The following SLC24A2 variants were observed in gnomAD, a reference collection of about 807,000 sequenced individuals.
SLC24A2 encodes the protein sodium/potassium/calcium exchanger 2.
A neutral mutation model predicts 62.0 loss-of-function variants in SLC24A2; 36 were observed. The observed-to-expected ratio is 0.58, with a 90% CI of 0.44 to 0.77. The LOEUF (loss-of-function observed/expected upper bound fraction) is 0.77, where lower values mean the gene tolerates loss of function less well. SLC24A2 is among the 30% of genes least tolerant of loss of function. The pLI, the probability that SLC24A2 is intolerant of heterozygous loss-of-function variation, is 0.00. For synonymous variants in SLC24A2, 358 were observed against 294.0 expected (o/e 1.22, Z -2.23); for missense variants, 846 against 817.9 (o/e 1.03, Z -0.42).
chr9:19,743,186 C>T (rs1821730398), intron 2 of SLC24A2, among the ~76,000 whole-genome samples: 1 of 152,094 alleles, frequency 6.6e-6, no homozygotes, highest in Non-Finnish European at 1.5e-5. Context: ...ATCACATCAG[C>T]ATTAGAAGAC....
At chr9:20,209,949 T>C in the SLC24A2 span, among the ~76,000 whole-genome samples, 2 of 152,218 alleles carry the variant, frequency 1.3e-5, no homozygotes, top group African/African-American at 4.8e-5. Context: ...CTTTCATAGG[T>C]ATCTCTCAAT....
rs1243368144 is a variant in SLC24A2, at chr9:19,521,874, CTTTTTTTTT to C, written c.1570-823_1570-815del. On this transcript the variant is annotated intron_variant, in intron 9 of 10. Transcript: ENST00000341998. Reference sequence around the variant, plus strand: ...GCTATTACTTTTTTTCTTTTTTTTTCTTTTTTTTTTTTTGGTCTTTTTCTTTGCCTTTTA... The same window carrying C: ...GCTATTACTTTTTTTCTTTTTTTTTCTTTTGGTCTTTTTCTTTGCCTTTTA... Among the ~76,000 whole-genome samples the C allele has an allele frequency of 8.4e-5, 11 of 130,886 alleles. No homozygotes were observed. The Middle Eastern group carries it at 0.012, about 138-fold the overall frequency. The allele number at this position is 130,886 out of a possible 152,430, so 85.9% of individuals were successfully genotyped here. A position where few individuals can be genotyped will look rare whatever the true frequency, so the allele number is the denominator to read the frequency against.
chr9:20,278,392 G>C, the SLC24A2 span, among the ~76,000 whole-genome samples: 1,194 of 152,090 alleles, frequency 7.9e-3, 20 homozygotes, highest in African/African-American at 0.027. Flanking sequence ...ATGCTTTTAT[G>C]AACAACCAAG....
At chr9:19,558,743 G>C (rs188474538) in intron 7 of SLC24A2, among the ~76,000 whole-genome samples, 1 of 152,198 alleles carries the variant, frequency 6.6e-6, no homozygotes, top group Non-Finnish European at 1.5e-5. Flanking sequence ...CTTTAAACAA[G>C]GAACTATCCT....
chr9:19,706,868 A>T (rs1483920337), intron 2 of SLC24A2, among the ~76,000 whole-genome samples: 2 of 152,084 alleles, frequency 1.3e-5, no homozygotes. Flanking sequence ...GAGCAAACAC[A>T]TTCAAAAGCT....
chr9:20,306,848 C>A, the SLC24A2 span, among the ~76,000 whole-genome samples: 1 of 152,062 alleles, frequency 6.6e-6, no homozygotes, highest in Non-Finnish European at 1.5e-5. Context: ...AGGTGTATGC[C>A]ACTTCACCTG....
chr9:19,733,082 C>CT lies in SLC24A2; in HGVS notation c.930+52854dup, dbSNP rs11317752. On this transcript the variant is annotated intron_variant, in intron 2 of 10. Transcript: ENST00000341998. Reference sequence around the variant, plus strand: ...ATTTTAGAAGTCTTAAGATGTGACTCTTTTTTTTTTTTTTAAACACGCTGG... The same window carrying CT: ...ATTTTAGAAGTCTTAAGATGTGACTCTTTTTTTTTTTTTTTAAACACGCTGG... 2.5e-3 allele frequency among the ~76,000 whole-genome samples: 373 copies of CT among 147,020 alleles called. 1 individual carries two copies. The highest frequency in any genetic ancestry group is 5.8e-3 in the African/African-American group (234 of 40,122).
the SLC24A2 span, among the ~76,000 whole-genome samples, chr9:19,915,256 T>C: frequency 6.6e-6 from 1 of 152,186 alleles, no homozygotes; most frequent in African/African-American, 2.4e-5. Flanking sequence ...GTAGCATGTA[T>C]CAGCGCTTCG....
At chr9:19,743,849 G>C (rs1587255948) in intron 2 of SLC24A2, among the ~76,000 whole-genome samples, 1 of 152,076 alleles carries the variant, frequency 6.6e-6, no homozygotes, top group Admixed American at 6.6e-5. Flanking sequence ...CAGTATAAAT[G>C]GACGGGTACC....
the SLC24A2 span, among the ~76,000 whole-genome samples, chr9:19,813,317 C>CTTTTTTT: frequency 2.0e-4 from 17 of 86,280 alleles, no homozygotes; most frequent in Non-Finnish European, 2.5e-4. Context: ...TCATCTTCCT[C>CTTTTTTT]TTTTTTTTTT....
At chr9:20,152,090 C>T in the SLC24A2 span, among the ~76,000 whole-genome samples, 1 of 151,890 alleles carries the variant, frequency 6.6e-6, no homozygotes, top group South Asian at 2.1e-4. Context: ...AATATTAATT[C>T]CCTTCCATTG....
At chr9:19,609,551 T>A (rs983539384) in intron 4 of SLC24A2, among the ~76,000 whole-genome samples, 1 of 152,268 alleles carries the variant, frequency 6.6e-6, no homozygotes, top group Non-Finnish European at 1.5e-5. Flanking sequence ...ATCTTTATAA[T>A]AGCATTTATT....
intron 9 of SLC24A2, among the ~76,000 whole-genome samples, chr9:19,522,349 G>T (rs564585715): frequency 6.6e-6 from 1 of 152,258 alleles, no homozygotes; most frequent in East Asian, 1.9e-4. Context: ...GTGAAGTGTG[G>T]CTCTGAAAAC....
intron 2 of SLC24A2, among the ~76,000 whole-genome samples, chr9:19,773,893 C>A (rs1340546257): frequency 6.6e-6 from 1 of 152,186 alleles, no homozygotes; most frequent in Non-Finnish European, 1.5e-5. Flanking sequence ...GGTTTAGTTT[C>A]AGAGATAGGG....
the SLC24A2 span, among the ~76,000 whole-genome samples, chr9:19,847,369 A>G: frequency 6.6e-6 from 1 of 152,206 alleles, no homozygotes; most frequent in Non-Finnish European, 1.5e-5. Context: ...AATGCAAACC[A>G]TATAATTATA....
chr9:19,916,211 A>C, the SLC24A2 span, among the ~76,000 whole-genome samples: 2 of 151,964 alleles, frequency 1.3e-5, no homozygotes, highest in Non-Finnish European at 2.9e-5. Flanking sequence ...ACATTTATTG[A>C]CCATACATGT....
At chr9:19,790,382 A>G (rs1431284321), upstream of SLC24A2, among the ~76,000 whole-genome samples, 1 of 152,182 alleles carries the variant, frequency 6.6e-6, no homozygotes, top group Non-Finnish European at 1.5e-5. Context: ...CTATGTCATC[A>G]TTTTGAAGCA....
chr9:19,996,210 G>A, the SLC24A2 span, among the ~76,000 whole-genome samples: 1 of 152,072 alleles, frequency 6.6e-6, no homozygotes, highest in Admixed American at 6.6e-5. Flanking sequence ...TGCATCAAAG[G>A]GTTTGATTTT....
At chr9:19,752,466 G>A (rs1247445154) in intron 2 of SLC24A2, among the ~76,000 whole-genome samples, 1 of 150,632 alleles carries the variant, frequency 6.6e-6, no homozygotes, top group African/African-American at 2.4e-5. Flanking sequence ...CTGTCAAAGC[G>A]ATCATCATGG....
Sources: gnomAD v4.1 joint callset for allele counts (sites outside exome capture counted in the v4.1 genomes callset) on GRCh38, gnomAD v4.1.1 for gene constraint, MANE v1.5 for transcripts, NCBI Gene and HGNC (gene_info 2026-07-23, HGNC 2026-07-21) for gene names.